Variants in PRIMPOL observed in about 807,000 individuals in gnomAD.
PRIMPOL encodes the protein primase and DNA directed polymerase.
Under a neutral mutation model 63.6 loss-of-function variants are expected in PRIMPOL, and 54 were observed. That is an observed-to-expected ratio of 0.85 (90% CI 0.68 to 1.07). PRIMPOL has a LOEUF of 1.07. Ranked by LOEUF, PRIMPOL falls within the 50% of genes least tolerant of loss-of-function variation. The pLI is 0.00. For missense variants in PRIMPOL, 610 were observed against 648.3 expected (o/e 0.94, Z 0.64); for synonymous variants, 197 against 220.2 (o/e 0.89, Z 0.93).
chr4:184,673,728 C>T (rs1182525208), intron 7 of PRIMPOL, among the ~76,000 whole-genome samples: 1 of 152,164 alleles, frequency 6.6e-6, no homozygotes, highest in Non-Finnish European at 1.5e-5. Flanking sequence ...CGCCAGACAG[C>T]AGCATTTTTG....
chr4:184,693,381 A>G (rs1244835743), intron 13 of PRIMPOL, among the ~76,000 whole-genome samples: 4 of 152,154 alleles, frequency 2.6e-5, no homozygotes, highest in Non-Finnish European at 4.4e-5. Context: ...TTTTCCGCTT[A>G]TCTAGTAACA....
intron 5 of PRIMPOL, among the ~76,000 whole-genome samples, chr4:184,664,437 C>T (rs1354714546): frequency 6.6e-6 from 1 of 152,216 alleles, no homozygotes; most frequent in East Asian, 1.9e-4. Flanking sequence ...TTAAACAAGA[C>T]AGAAACCTAT....
At chr4:184,650,200 C>G (rs1379199115) in intron 1 of PRIMPOL, among the ~76,000 whole-genome samples, 2 of 149,112 alleles carry the variant, frequency 1.3e-5, no homozygotes, top group African/African-American at 5.2e-5. Context: ...TAGTAGTGTA[C>G]TTAATCCACA....
At chr4:184,692,457 G>GGAGAC (rs1758880105) in intron 13 of PRIMPOL, among the ~76,000 whole-genome samples, 1 of 110,662 alleles carries the variant, frequency 9.0e-6, no homozygotes, top group African/African-American at 3.5e-5. Flanking sequence ...CTGGGAGACA[G>GGAGAC]AGCGACTCTG....
At chr4:184,662,135 CT>C (rs1162138067) in intron 5 of PRIMPOL, among the ~76,000 whole-genome samples, 2 of 151,998 alleles carry the variant, frequency 1.3e-5, no homozygotes, top group Non-Finnish European at 1.5e-5. Flanking sequence ...AAAAAAAATG[CT>C]TTGAAAAAGA....
chr4:184,677,525 GCA>G (rs754108490), intron 7 of PRIMPOL, among the ~76,000 whole-genome samples: 121,812 of 152,104 alleles, frequency 0.8, 49,689 homozygotes, highest in East Asian at 0.97. Flanking sequence ...TATTAGATAG[GCA>G]CGACACTGTC....
chr4:184,650,275 T>TG (rs1743851703), intron 1 of PRIMPOL, among the ~76,000 whole-genome samples: 1 of 152,310 alleles, frequency 6.6e-6, no homozygotes, highest in Non-Finnish European at 1.5e-5. Flanking sequence ...GAAAAAGAGA[T>TG]GGGGCAAAGA....
At chr4:184,668,637 T>G (rs911792176) in intron 6 of PRIMPOL, among the ~76,000 whole-genome samples, 1 of 152,194 alleles carries the variant, frequency 6.6e-6, no homozygotes, top group Non-Finnish European at 1.5e-5. Context: ...CGTCAAGCTA[T>G]GTGAGAAGCT....
chr4:184,681,981 A>G (rs1041799028), intron 8 of PRIMPOL, among the ~76,000 whole-genome samples: 47 of 152,216 alleles, frequency 3.1e-4, no homozygotes, highest in Admixed American at 2.7e-3. Flanking sequence ...CCCCTGATCC[A>G]TTCTGTAATT....
At chr4:184,669,185 T>C (rs1750887231) in intron 6 of PRIMPOL, among the ~76,000 whole-genome samples, 1 of 152,214 alleles carries the variant, frequency 6.6e-6, no homozygotes, top group Non-Finnish European at 1.5e-5. Flanking sequence ...CTGTGCTAAG[T>C]CCTTAGTTTC....
Position 184,656,254 on chromosome 4 carries a change from G to A in PRIMPOL, c.-59-828G>A, listed in dbSNP as rs543383024. Among the ~76,000 whole-genome samples the A allele has an allele frequency of 7.2e-5, 11 of 152,182 alleles. No homozygotes were observed. The South Asian group carries it at 2.3e-3, about 32-fold the overall frequency. On this transcript the variant is annotated intron_variant, in intron 2 of 13. Coordinates refer to ENST00000314970, the MANE Select transcript of PRIMPOL (RefSeq NM_152683.4). ...CTTGCTTCACTTTTGTCAATGTGAT[G>A]TTGGCCCAAAACAAGTCATATGGCC...
intron 13 of PRIMPOL, chr4:184,694,254 C>A: frequency 1.7e-6 from 2 of 1,152,390 alleles, no homozygotes; most frequent in Non-Finnish European, 2.1e-6. Flanking sequence ...CCTTGCTCTT[C>A]CGTCGGGGAG....
At chr4:184,676,331 C>T (rs566569495) in intron 7 of PRIMPOL, among the ~76,000 whole-genome samples, 1 of 139,422 alleles carries the variant, frequency 7.2e-6, no homozygotes. Flanking sequence ...CTTTCCTTCC[C>T]TTCCCTTCCT....
At chr4:184,656,251 G>A (rs1746404175) in intron 2 of PRIMPOL, among the ~76,000 whole-genome samples, 2 of 152,092 alleles carry the variant, frequency 1.3e-5, no homozygotes, top group South Asian at 4.1e-4. Context: ...TTGTCAATGT[G>A]ATGTTGGCCC....
intron 9 of PRIMPOL, 119 bp from the exon 10 acceptor site, chr4:184,685,288 CAA>C (rs904930969): frequency 5.8e-6 from 4 of 692,396 alleles, no homozygotes; most frequent in African/African-American, 1.8e-5. Context: ...ACTGAAATTG[CAA>C]AGAGTGAGGG....
chr4:184,660,754 T>C (rs774369093), intron 4 of PRIMPOL, among the ~76,000 whole-genome samples: 7 of 152,228 alleles, frequency 4.6e-5, no homozygotes, highest in Non-Finnish European at 7.3e-5. Context: ...TGTATGTGTA[T>C]GTGTGTGTTG....
intron 2 of PRIMPOL, among the ~76,000 whole-genome samples, chr4:184,653,611 A>G (rs1745354195): frequency 6.6e-6 from 1 of 152,206 alleles, no homozygotes; most frequent in Admixed American, 6.5e-5. Context: ...GGGCCTCCCA[A>G]AGTGCTGGGA....
chr4:184,667,474 C>G (rs1466757218), intron 6 of PRIMPOL, among the ~76,000 whole-genome samples: 3 of 152,152 alleles, frequency 2.0e-5, no homozygotes, highest in African/African-American at 7.2e-5. Context: ...CCATGCCCGG[C>G]TAAGTTTTTG....
chr4:184,691,694 C>T lies in PRIMPOL; in HGVS notation c.1407C>T (p.Leu469=), dbSNP rs765705082. ...DCFPLPAEVC[L]LFLFKEEEEF... ...TCCCATTACCTGCTGAAGTATGTCT[C>T]CTGTTTCTTTTCAAAGAGGTAAGTA... Residue 469 remains leucine (L), a synonymous_variant, in exon 13 of 14, where the codon CTC becomes CTT. Coordinates refer to ENST00000314970, the MANE Select transcript of PRIMPOL (RefSeq NM_152683.4). The T allele has an allele frequency of 6.2e-7, 1 of 1,612,310 alleles. No individual in the cohort carries two copies. The highest frequency in any genetic ancestry group is 1.1e-5 in the South Asian group (1 of 91,026).
Sources: gnomAD v4.1 joint callset for allele counts (sites outside exome capture counted in the v4.1 genomes callset) on GRCh38, gnomAD v4.1.1 for gene constraint, MANE v1.5 for transcripts, NCBI Gene and HGNC (gene_info 2026-07-23, HGNC 2026-07-21) for gene names.